SDCCAG8: variants seen among roughly 807,000 people sequenced by gnomAD.
SDCCAG8 encodes SHH signaling and ciliogenesis regulator SDCCAG8.
A neutral mutation model predicts 101.8 loss-of-function variants in SDCCAG8; 74 were observed. The observed-to-expected ratio is 0.73, with a 90% CI of 0.60 to 0.88. SDCCAG8 has a LOEUF of 0.88. Ranked by LOEUF, SDCCAG8 falls within the 40% of genes least tolerant of loss-of-function variation. The pLI, the probability that SDCCAG8 is intolerant of heterozygous loss-of-function variation, is 0.00. For missense variants in SDCCAG8, 787 were observed against 822.6 expected (o/e 0.96, Z 0.53); for synonymous variants, 281 against 292.9 (o/e 0.96, Z 0.41).
At chr1:243,404,959 C>T (rs982264501) in intron 13 of SDCCAG8, among the ~76,000 whole-genome samples, 1 of 151,850 alleles carries the variant, frequency 6.6e-6, no homozygotes, top group Non-Finnish European at 1.5e-5. Context: ...CTCCGCCTCC[C>T]GGGCTCAAGC....
intron 12 of SDCCAG8, among the ~76,000 whole-genome samples, chr1:243,354,866 A>G (rs566173029): frequency 1.3e-5 from 2 of 152,262 alleles, no homozygotes; most frequent in African/African-American, 2.4e-5. Context: ...CAATTTTGCA[A>G]TTGTCTTAGA....
At chr1:243,349,787 A>G (rs899012239) in intron 12 of SDCCAG8, among the ~76,000 whole-genome samples, 3 of 151,264 alleles carry the variant, frequency 2.0e-5, no homozygotes, top group Admixed American at 6.6e-5. Context: ...GTTGGTTCCA[A>G]TTTTATTTTT....
intron 7 of SDCCAG8, chr1:243,306,654 G>A (rs1220639124): frequency 6.6e-6 from 1 of 151,934 alleles, no homozygotes; most frequent in East Asian, 1.9e-4. Flanking sequence ...CTTTGACTTT[G>A]GAATGTGCTT....
intron 4 of SDCCAG8, among the ~76,000 whole-genome samples, chr1:243,275,688 G>A (rs1257643558): frequency 6.6e-6 from 1 of 151,984 alleles, no homozygotes; most frequent in Non-Finnish European, 1.5e-5. Flanking sequence ...TTACTATCTA[G>A]TTGAGAAGAC....
At chr1:243,475,826 A>G in intron 16 of SDCCAG8, 1 of 362,306 alleles carries the variant, frequency 2.8e-6, no homozygotes, top group Non-Finnish European at 3.8e-6. Flanking sequence ...AAATAGAGGA[A>G]GGGGTGTTGG....
chr1:243,481,200 G>T (rs1215818753), intron 16 of SDCCAG8, among the ~76,000 whole-genome samples: 1 of 152,090 alleles, frequency 6.6e-6, no homozygotes, highest in Admixed American at 6.5e-5. Context: ...AGAGCACTGA[G>T]CCCAGCCCTG....
At chr1:243,278,007 A>G (rs982227042) in intron 4 of SDCCAG8, among the ~76,000 whole-genome samples, 1 of 152,190 alleles carries the variant, frequency 6.6e-6, no homozygotes, top group Non-Finnish European at 1.5e-5. Context: ...TGTAAACTTT[A>G]GAATCAGTTT....
At chr1:243,362,514 G>A (rs2076776838) in intron 12 of SDCCAG8, among the ~76,000 whole-genome samples, 1 of 152,228 alleles carries the variant, frequency 6.6e-6, no homozygotes, top group African/African-American at 2.4e-5. Context: ...TTTGTAAAAT[G>A]AGGATAGATA....
chr1:243,377,043 T>A (rs2077639816), intron 12 of SDCCAG8, among the ~76,000 whole-genome samples: 1 of 152,182 alleles, frequency 6.6e-6, no homozygotes, highest in Non-Finnish European at 1.5e-5. Flanking sequence ...TACTGAGGCA[T>A]GAATTTTCTC....
At chr1:243,437,811 G>T (rs577487439) in intron 16 of SDCCAG8, among the ~76,000 whole-genome samples, 33 of 152,256 alleles carry the variant, frequency 2.2e-4, no homozygotes, top group South Asian at 8.3e-4. Flanking sequence ...GTGCTGGGAT[G>T]ACAGGCGTGA....
intron 5 of SDCCAG8, among the ~76,000 whole-genome samples, chr1:243,286,919 T>C (rs1353270768): frequency 6.6e-6 from 1 of 152,220 alleles, no homozygotes; most frequent in East Asian, 1.9e-4. Flanking sequence ...ATGTCCTTTA[T>C]TTCTTTATTG....
intron 16 of SDCCAG8, among the ~76,000 whole-genome samples, chr1:243,469,830 G>GTTTTTTT (rs746906257): frequency 8.1e-6 from 1 of 123,526 alleles, no homozygotes; most frequent in African/African-American, 3.2e-5. Context: ...GAAAGTGTTG[G>GTTTTTTT]TTTTTTTTTT....
chr1:243,268,122 T>A lies in SDCCAG8; in HGVS notation c.68-1983T>A, dbSNP rs897237120. On this transcript the variant is annotated intron_variant, in intron 1 of 17. Coordinates refer to ENST00000366541, the MANE Select transcript of SDCCAG8 (RefSeq NM_006642.5). ...CTCATTTTCTTTTGCTTCCTCATGG[T>A]CACACCACACTCCTGTTTCTTCCGT... 9.5e-5 allele frequency: 64 copies of A among 676,166 alleles called. 1 individual carries two copies. The highest frequency in any genetic ancestry group is 1.6e-5 in the Non-Finnish European group (6 of 375,954). 41.9% of individuals were successfully genotyped at this position (676,166 alleles called of 1,614,324 possible).
chr1:243,482,608 ACGGC>A lies in SDCCAG8; in HGVS notation c.1986-6403_1986-6400del, dbSNP rs1389208874. 3.3e-5 allele frequency among the ~76,000 whole-genome samples: 5 copies of A among 152,234 alleles called. No homozygotes were observed. In the South Asian group the frequency reaches 8.3e-4, roughly 25 times the overall value. ...CATGGACCCTGTGCCTGAGATTAGG[ACGGC>A]CGCACCAGCCTGGGTGCAGGCTCCC... is the stretch of plus-strand genomic sequence containing the variant. On this transcript the variant is annotated intron_variant, in intron 16 of 17. Coordinates refer to ENST00000366541, the MANE Select transcript of SDCCAG8 (RefSeq NM_006642.5).
intron 12 of SDCCAG8, among the ~76,000 whole-genome samples, chr1:243,365,514 A>G (rs1192684797): frequency 6.6e-6 from 1 of 152,180 alleles, no homozygotes. Flanking sequence ...ATTATTTTCT[A>G]GACAGTTTCT....
intron 5 of SDCCAG8, among the ~76,000 whole-genome samples, chr1:243,292,687 A>G (rs914893861): frequency 5.3e-5 from 8 of 152,238 alleles, no homozygotes; most frequent in East Asian, 1.9e-4. Context: ...TATGACATAC[A>G]TAAAACAGGG....
At chr1:243,470,805 G>A (rs565471732) in intron 16 of SDCCAG8, among the ~76,000 whole-genome samples, 11 of 152,228 alleles carry the variant, frequency 7.2e-5, no homozygotes, top group African/African-American at 2.6e-4. Flanking sequence ...CAGAGAGAGC[G>A]AGCTTTGAAG....
At chr1:243,450,684 G>A (rs1011873816) in intron 16 of SDCCAG8, among the ~76,000 whole-genome samples, 2 of 152,188 alleles carry the variant, frequency 1.3e-5, no homozygotes, top group Non-Finnish European at 2.9e-5. Flanking sequence ...TTGAGACAGA[G>A]TCTTGCTCTG....
intron 13 of SDCCAG8, among the ~76,000 whole-genome samples, chr1:243,389,546 C>A (rs778408545): frequency 1.3e-5 from 2 of 152,168 alleles, no homozygotes; most frequent in Non-Finnish European, 2.9e-5. Context: ...TAAATTGTCA[C>A]AATTTTCAAG....
Sources: allele counts gnomAD v4.1 joint callset (sites outside exome capture counted in the v4.1 genomes callset), GRCh38; gene constraint gnomAD v4.1.1; transcripts MANE v1.5; gene names NCBI Gene and HGNC (gene_info 2026-07-23, HGNC 2026-07-21).